GTF3C1: variants seen among roughly 807,000 people sequenced by gnomAD.
GTF3C1 encodes the protein general transcription factor IIIC subunit 1.
A neutral mutation model predicts 226.7 loss-of-function variants in GTF3C1; 57 were observed. The ratio of observed to expected loss-of-function variants is 0.25; its 90% confidence interval spans 0.20 to 0.31. GTF3C1 has a LOEUF of 0.31. Among genes scored for constraint, GTF3C1 ranks in the 10% least tolerant of loss-of-function variants. The probability of loss-of-function intolerance (pLI) is 1.00; values close to 1 mark genes in which losing one functional copy is unlikely to be tolerated. For synonymous variants in GTF3C1, 1,090 were observed against 1,084.8 expected (o/e 1.00, Z -0.09); for missense variants, 2,217 against 2,776.1 (o/e 0.80, Z 4.53).
chr16:27,491,590 GAGGGAGGGTCCTTCT>G (rs1302546270), intron 19 of GTF3C1, among the ~76,000 whole-genome samples: 27 of 152,150 alleles, frequency 1.8e-4, no homozygotes, highest in Admixed American at 5.9e-4. Context: ...GCCAGTGTGG[GAGGGAGGGTCCTTCT>G]AGGGAGAGAG....
intron 19 of GTF3C1, among the ~76,000 whole-genome samples, chr16:27,490,617 C>G (rs959669378): frequency 6.6e-6 from 1 of 152,118 alleles, no homozygotes; most frequent in Non-Finnish European, 1.5e-5. Flanking sequence ...TTGAATGGAC[C>G]CTTGAAACTA....
rs141332877 is a variant in GTF3C1 at position 27,549,907 on chromosome 16, G to A, written c.-17C>T. 1.2e-5 allele frequency: 19 copies of A among 1,594,702 alleles called. No individual in the cohort carries two copies. Among genetic ancestry groups the A allele is most frequent in the Admixed American group, 3.4e-5 (2 of 59,598 alleles). ...CGCGTCCATTGCTACTTCAGTCGGC[G>A]GCGCCCGGGGCGCATGCGCAACGCA... On this transcript the variant is annotated 5_prime_UTR_variant, in exon 1 of 37. Transcript: ENST00000356183.
At chr16:27,488,513 G>T (rs1455693721) in intron 22 of GTF3C1, 41 bp downstream of exon 22, 1 of 1,574,982 alleles carries the variant, frequency 6.3e-7, no homozygotes, top group Non-Finnish European at 8.7e-7. Context: ...CCCTGAACTG[G>T]TACCATATTA....
At chr16:27,483,446 C>A (rs1397947329) in intron 25 of GTF3C1, 1 of 511,514 alleles carries the variant, frequency 2.0e-6, no homozygotes, top group Admixed American at 2.3e-5. Flanking sequence ...TGTGAAAGTG[C>A]ATCACACATT....
chr16:27,508,378 A>C (rs1312894849), intron 8 of GTF3C1, among the ~76,000 whole-genome samples, 162 bp downstream of exon 8: 1 of 152,236 alleles, frequency 6.6e-6, no homozygotes, highest in East Asian at 1.9e-4. Context: ...AGTGAAGGCG[A>C]GACATAACAT....
At chr16:27,526,877 CAGG>C (rs1282609550) in intron 6 of GTF3C1, among the ~76,000 whole-genome samples, 1 of 152,184 alleles carries the variant, frequency 6.6e-6, no homozygotes, top group Non-Finnish European at 1.5e-5. Flanking sequence ...TCTGGTTAAT[CAGG>C]AGGAGTAAAA....
rs987114727 is a variant in GTF3C1 at position 27,483,138 on chromosome 16, G to C, written c.4002-13C>G. ...GGCCAGGCACACTCTGCAGGAAGAG[G>C]AGACAAAGCTGAAGTCTGGGAATTG... On this transcript the variant is annotated splice_polypyrimidine_tract_variant and intron_variant, in intron 25 of 36. Coordinates refer to ENST00000356183, the MANE Select transcript of GTF3C1 (RefSeq NM_001520.4). 8.1e-6 allele frequency: 13 copies of C among 1,613,164 alleles called. No individual in the cohort carries two copies. The highest frequency in any genetic ancestry group is 3.3e-4 in the Middle Eastern group (2 of 6,060).
At position 27,471,871 on chromosome 16, in the gene GTF3C1, A is replaced by AAG; in HGVS notation, c.4401_4402dup (p.Phe1468SerfsTer106). On this transcript the variant is annotated frameshift_variant, in exon 30 of 37. Coordinates refer to ENST00000356183, the MANE Select transcript of GTF3C1 (RefSeq NM_001520.4). LOFTEE classifies it high-confidence loss of function. This position sits in a 1 kb window ranked among gnomAD's most constrained non-coding sequence, Gnocchi z 5.0. ...CAAGCTCCTCTTCTGGCACTCCATG[A>AAG]AGGCCTTCACAAGAACGTGGTCCTT... is the stretch of plus-strand genomic sequence containing the variant. 1 of 1,614,066 alleles carries AAG rather than the reference A, an allele frequency of 6.2e-7. No homozygotes were observed. The highest frequency in any genetic ancestry group is 8.5e-7 in the Non-Finnish European group (1 of 1,179,970).
intron 11 of GTF3C1, 64 bp downstream of exon 11, chr16:27,502,795 A>G (rs1177106815): frequency 6.6e-7 from 1 of 1,525,182 alleles, no homozygotes; most frequent in Non-Finnish European, 8.9e-7. Flanking sequence ...GCTTGTGATG[A>G]CCAACTGGTA....
At position 27,549,767 on chromosome 16, in the gene GTF3C1, A is replaced by G; in HGVS notation, c.124T>C (p.Cys42Arg). Residue 42 changes from cysteine (C) to arginine (R), a missense_variant, in exon 1 of 37, where the codon TGC becomes CGC. By Grantham distance (180) the Cys-to-Arg change is radical. This residue lies in a region of GTF3C1 where 192 missense variants were observed against 251.8 expected (regional missense o/e 0.76). Coordinates refer to ENST00000356183, the MANE Select transcript of GTF3C1 (RefSeq NM_001520.4). Reference protein sequence around the residue: ...VPPFPLPLEPCTQEFLWRALA... With the variant: ...VPPFPLPLEPRTQEFLWRALA... ...GCCCGCCAGAGAAACTCCTGCGTGC[A>G]GGGTTCCAAAGGCAGCGGGAAGGGC... The G allele has an allele frequency of 6.2e-7, 1 of 1,612,234 alleles. No individual in the cohort carries two copies. Among genetic ancestry groups the G allele is most frequent in the Non-Finnish European group, 8.5e-7 (1 of 1,179,534 alleles).
chr16:27,478,729 G>A, intron 27 of GTF3C1, 198 bp from the exon 28 acceptor site: 2 of 585,962 alleles, frequency 3.4e-6, no homozygotes, highest in Non-Finnish European at 6.1e-6. Context: ...AAGGAGGGCT[G>A]AGAAAATGTG....
chr16:27,522,092 ACT>A (rs1467277819), intron 6 of GTF3C1, among the ~76,000 whole-genome samples: 1 of 152,226 alleles, frequency 6.6e-6, no homozygotes, highest in Non-Finnish European at 1.5e-5. Context: ...GATATTATTT[ACT>A]TTTTAAAATT....
chr16:27,546,485 T>TTTTA (rs1555505898), intron 1 of GTF3C1, among the ~76,000 whole-genome samples: 6 of 88,608 alleles, frequency 6.8e-5, no homozygotes, highest in African/African-American at 1.4e-4. Context: ...TTTTTTTTTT[T>TTTTA]GAAAAAAAAA....
At chr16:27,522,254 C>T (rs1567408882) in intron 6 of GTF3C1, among the ~76,000 whole-genome samples, 1 of 152,210 alleles carries the variant, frequency 6.6e-6, no homozygotes, top group African/African-American at 2.4e-5. Context: ...CTTTCTCACT[C>T]CTGTCTCCCT....
chr16:27,506,826 C>A, intron 9 of GTF3C1, 21 bp downstream of exon 9: 1 of 1,569,406 alleles, frequency 6.4e-7, no homozygotes, highest in Non-Finnish European at 8.7e-7. Context: ...GCAGCCCCTG[C>A]CCACCCCACG....
intron 7 of GTF3C1, among the ~76,000 whole-genome samples, chr16:27,509,757 CAAAAAAAAAAAA>C (rs770402001): frequency 3.4e-5 from 2 of 58,816 alleles, no homozygotes; most frequent in African/African-American, 5.0e-5. Flanking sequence ...GACTCCGTCT[CAAAAAAAAAAAA>C]AAAAAAAAAA....
intron 4 of GTF3C1, among the ~76,000 whole-genome samples, chr16:27,535,268 T>C (rs1478568573): frequency 6.6e-6 from 1 of 152,210 alleles, no homozygotes; most frequent in African/African-American, 2.4e-5. Context: ...TTGTGAGCAT[T>C]GGCTTAAAAA....
rs114615752 is a variant in GTF3C1 at position 27,461,504 on chromosome 16, G to A, written c.6176C>T (p.Ser2059Leu). 4.5e-4 allele frequency: 731 copies of A among 1,614,002 alleles called. 3 individuals carry two copies. The African/African-American group carries it at 7.1e-3, about 16-fold the overall frequency. The change falls in exon 37 of 37, where the codon TCG becomes TTG. Residue 2059 changes from serine (S) to leucine (L), a missense_variant. By Grantham distance (145) the Ser-to-Leu change is moderately radical. This residue lies in a region of GTF3C1 where 153 missense variants were observed against 199.8 expected (regional missense o/e 0.77). Coordinates refer to ENST00000356183, the MANE Select transcript of GTF3C1 (RefSeq NM_001520.4). The surrounding 1 kb of genome is among the most constrained non-coding windows in gnomAD (Gnocchi z 5.3). Reference sequence around the variant, plus strand: ...TTCCACCACGGGTGTAGAGAAGAGCGAGACAGGCCTTGGCTTTCTCAGCCA... The same window carrying A: ...TTCCACCACGGGTGTAGAGAAGAGCAAGACAGGCCTTGGCTTTCTCAGCCA... ...KRWLRKPRPV[S>L]LFSTPVVEEV...
At chr16:27,502,624 C>A (rs941849893) in intron 11 of GTF3C1, among the ~76,000 whole-genome samples, 2 of 152,136 alleles carry the variant, frequency 1.3e-5, no homozygotes, top group Admixed American at 1.3e-4. Flanking sequence ...CTCTGTCTAG[C>A]ATGCTGATGT....
Sources: allele counts gnomAD v4.1 joint callset (sites outside exome capture counted in the v4.1 genomes callset), GRCh38; gene constraint gnomAD v4.1.1; regional missense constraint gnomAD v4.1.1; non-coding constraint Gnocchi (gnomAD v3.1); transcripts MANE v1.5; gene names NCBI Gene and HGNC (gene_info 2026-07-23, HGNC 2026-07-21).